Variants in LTBP2 observed in about 807,000 individuals in gnomAD.
The protein encoded by LTBP2 is latent-transforming growth factor beta-binding protein 2.
In LTBP2, 103 loss-of-function variants were observed where a neutral mutation model predicts 210.6. That is an observed-to-expected ratio of 0.49 (90% confidence interval 0.42 to 0.58). The LOEUF is 0.58. Ranked by LOEUF, LTBP2 falls within the 20% of genes least tolerant of loss-of-function variation. LTBP2 has a pLI of 0.00. For missense variants in LTBP2, 2,313 were observed against 2,494.5 expected (o/e 0.93, Z 1.55); for synonymous variants, 1,007 against 1,015.0 (o/e 0.99, Z 0.15).
chr14:74,602,197 C>T (rs983203001), intron 2 of LTBP2, among the ~76,000 whole-genome samples: 1 of 152,224 alleles, frequency 6.6e-6, no homozygotes, highest in Non-Finnish European at 1.5e-5. Context: ...GAGCTCAGCA[C>T]TTGCAGCAGC....
chr14:74,553,997 T>G, intron 4 of LTBP2, among the ~76,000 whole-genome samples: 1 of 143,670 alleles, frequency 7.0e-6, no homozygotes, highest in African/African-American at 2.6e-5. Flanking sequence ...TTGTACACGT[T>G]GAGGGGAAAG....
At position 74,508,018 on chromosome 14, in the gene LTBP2, A is replaced by G. The variant is rs2087013144; in HGVS notation, c.3730T>C (p.Cys1244Arg). The part of the protein sequence containing the change: ...VNTEGSFNCL[C>R]ETGFQPSPES... ...GGGGAGGGCTGGAAGCCAGTCTCAC[A>G]TAGACAGTTGAAGGAGCCCTCGGTG... is the stretch of plus-strand genomic sequence containing the variant. The change falls in exon 25 of 36, where the codon TGT (cysteine) becomes CGT (arginine). Residue 1244 changes from cysteine to arginine, a missense_variant. Transcript: ENST00000261978. 1.2e-6 allele frequency: 2 copies of G among 1,613,994 alleles called. No individual in the cohort carries two copies. Among genetic ancestry groups the G allele is most frequent in the Admixed American group, 1.7e-5 (1 of 60,028 alleles).
Position 74,501,004 on chromosome 14 carries a change from G to C in LTBP2, c.5346C>G (p.Asn1782Lys). The C allele has an allele frequency of 6.2e-7, 1 of 1,613,898 alleles. No homozygotes were observed. The highest frequency in any genetic ancestry group is 8.5e-7 in the Non-Finnish European group (1 of 1,179,876). ...CATGGACACAGAGCACAGCAGGCCCGTTCAAGTCATCACACTCATTCACAT... is the reference window on the plus strand; with the variant it reads ...CATGGACACAGAGCACAGCAGGCCCCTTCAAGTCATCACACTCATTCACAT... ...CVDVNECDDL[N>K]GPAVLCVHGY... is the part of the protein sequence containing the mutation. Residue 1782 changes from asparagine to lysine, a missense_variant, in exon 36 of 36, where the codon AAC (asparagine) becomes AAG (lysine). Transcript: ENST00000261978.
rs1411872744 is a variant in LTBP2, at chr14:74,506,257, C to T, written c.4034-66G>A. 3.7e-6 allele frequency: 6 copies of T among 1,605,322 alleles called. No individual in the cohort carries two copies. The African/African-American group carries it at 4.0e-5, about 11-fold the overall frequency. On this transcript the variant is annotated intron_variant, in intron 27 of 35. Transcript: ENST00000261978. ...AGCCCGTGCCCCCTGCCCCTGACTA[C>T]AGCCCACTGCCCCCAAAAGAAGCAG...
Position 74,608,715 on chromosome 14 carries a change from GAA to G in LTBP2, c.494+2734_494+2735del, listed in dbSNP as rs5809673. 6.6e-3 allele frequency among the ~76,000 whole-genome samples: 768 copies of G among 116,270 alleles called. 6 individuals are homozygous for G. Among genetic ancestry groups the G allele is most frequent in the African/African-American group, 0.023 (715 of 30,490 alleles). The allele number at this position is 116,270 out of a possible 152,430, so 76.3% of individuals were successfully genotyped here. ...GCAAGAGACTCTATCTCAAAAAAAA[GAA>G]AAAAAAAAAAAGAAAAAAAGAAAGA... On this transcript the variant is annotated intron_variant, in intron 1 of 35. Transcript: ENST00000261978.
intron 1 of LTBP2, among the ~76,000 whole-genome samples, chr14:74,604,178 A>AAAAAAAAAAAAAC (rs2088491287): frequency 6.6e-6 from 1 of 151,278 alleles, no homozygotes; most frequent in African/African-American, 2.4e-5. Flanking sequence ...AAAAAAAAAA[A>AAAAAAAAAAAAAC]AAAAAACCAC....
rs1283618679 is a variant in LTBP2 at position 74,551,084 on chromosome 14, G to A, written c.1666C>T (p.Leu556=). The A allele has an allele frequency of 6.2e-6, 10 of 1,613,704 alleles. No individual in the cohort carries two copies. The highest frequency in any genetic ancestry group is 8.5e-6 in the Non-Finnish European group (10 of 1,180,044). Residue 556 remains leucine (L), a synonymous_variant, in exon 7 of 36, where the codon CTG becomes TTG. Coordinates refer to ENST00000261978, the MANE Select transcript of LTBP2 (RefSeq NM_000428.3). The part of the protein sequence containing the change: ...RPRGLLGRCY[L]NTVNGQCANP... Reference sequence around the variant, plus strand: ...CTCACCTGTCCGTTCACAGTGTTCAGGTAACACCGGCCCAGCAGTCCTCGA... The same window carrying A: ...CTCACCTGTCCGTTCACAGTGTTCAAGTAACACCGGCCCAGCAGTCCTCGA...
At chr14:74,589,298 C>G (rs1316018331) in intron 2 of LTBP2, among the ~76,000 whole-genome samples, 1 of 152,136 alleles carries the variant, frequency 6.6e-6, no homozygotes, top group East Asian at 1.9e-4. Context: ...ACCCTCTAAC[C>G]CAGGCTGAGG....
At position 74,612,069 on chromosome 14, in the gene LTBP2, C is replaced by T. The variant is rs2088623843; in HGVS notation, c.-125G>A. ...GGCCAGCTTCTCTGAGTCTAGGGGGCCCTGAAGCGGCCGACTGGGGGCCCG... is the reference window on the plus strand; with the variant it reads ...GGCCAGCTTCTCTGAGTCTAGGGGGTCCTGAAGCGGCCGACTGGGGGCCCG... On this transcript the variant is annotated 5_prime_UTR_variant, in exon 1 of 36. Coordinates refer to ENST00000261978, the MANE Select transcript of LTBP2 (RefSeq NM_000428.3). 1.8e-6 allele frequency: 2 copies of T among 1,120,180 alleles called. No homozygotes were observed. The allele number at this position is 1,120,180 out of a possible 1,614,324, so 69.4% of individuals were successfully genotyped here.
intron 8 of LTBP2, among the ~76,000 whole-genome samples, chr14:74,546,872 C>T (rs117279904): frequency 6.6e-6 from 1 of 152,386 alleles, no homozygotes; most frequent in Non-Finnish European, 1.5e-5. Context: ...GAGCAGGTAG[C>T]TGCTTCAGTA....
At chr14:74,517,688 T>C (rs998049048) in intron 17 of LTBP2, among the ~76,000 whole-genome samples, 10 of 152,308 alleles carry the variant, frequency 6.6e-5, no homozygotes, top group African/African-American at 2.4e-4. Context: ...GAGTCCTTCC[T>C]AAGGACCTTC....
intron 2 of LTBP2, among the ~76,000 whole-genome samples, chr14:74,602,292 A>C (rs1183173639): frequency 6.6e-6 from 1 of 152,236 alleles, no homozygotes; most frequent in Non-Finnish European, 1.5e-5. Flanking sequence ...CTACTTCATA[A>C]GATGATTGAC....
At chr14:74,510,347 CATGAGGCCAT>C in intron 19 of LTBP2, 134 bp from the exon 20 acceptor site, 1 of 1,295,248 alleles carries the variant, frequency 7.7e-7, no homozygotes, top group Non-Finnish European at 1.1e-6. Context: ...CTGGGGAGGC[CATGAGGCCAT>C]GCTCCCTCCT....
intron 3 of LTBP2, among the ~76,000 whole-genome samples, chr14:74,582,380 GCA>G (rs1188559173): frequency 3.0e-4 from 38 of 128,066 alleles, no homozygotes; most frequent in African/African-American, 9.2e-4. Context: ...CTGTGTACAT[GCA>G]CACACACACA....
chr14:74,605,116 G>T (rs1463792993), intron 1 of LTBP2, among the ~76,000 whole-genome samples: 3 of 152,224 alleles, frequency 2.0e-5, no homozygotes, highest in Non-Finnish European at 4.4e-5. Flanking sequence ...AAGTGCAGAG[G>T]CTGGACAGGC....
chr14:74,547,574 G>A (rs764788471), intron 8 of LTBP2, among the ~76,000 whole-genome samples: 12 of 152,294 alleles, frequency 7.9e-5, no homozygotes, highest in Middle Eastern at 6.8e-3. Flanking sequence ...AGGCAACAGC[G>A]TGACAGCTTC....
chr14:74,611,575 T>G lies in LTBP2; in HGVS notation c.370A>C (p.Ser124Arg). 1 of 1,577,598 alleles carries G rather than the reference T, an allele frequency of 6.3e-7. No individual in the cohort carries two copies. The highest frequency in any genetic ancestry group is 8.6e-7 in the Non-Finnish European group (1 of 1,168,490). ...GGTTGCTGCTGGCCCAGGGGAGTGCTTCTCCGGGTCTGCGCAGGTGGCTGG... is the reference window on the plus strand; with the variant it reads ...GGTTGCTGCTGGCCCAGGGGAGTGCGTCTCCGGGTCTGCGCAGGTGGCTGG... ...RVQPPAQTRR[S>R]TPLGQQQPAP... Residue 124 changes from serine to arginine, a missense_variant, in exon 1 of 36, where the codon AGC becomes CGC. By Grantham distance (110) the Ser-to-Arg change is moderately radical. Coordinates refer to ENST00000261978, the MANE Select transcript of LTBP2 (RefSeq NM_000428.3).
At chr14:74,501,728 C>G in intron 34 of LTBP2, 138 bp from the exon 35 acceptor site, 1 of 1,070,276 alleles carries the variant, frequency 9.3e-7, no homozygotes. Context: ...TCATAAAATT[C>G]TTGTGGAAAG....
intron 8 of LTBP2, among the ~76,000 whole-genome samples, chr14:74,540,812 A>ATAT (rs2087487649): frequency 1.3e-4 from 1 of 7,702 alleles, no homozygotes; most frequent in Non-Finnish European, 3.7e-3. Flanking sequence ...TATATATAAT[A>ATAT]TATATATATT....
Sources: allele counts gnomAD v4.1 joint callset (sites outside exome capture counted in the v4.1 genomes callset), GRCh38; gene constraint gnomAD v4.1.1; transcripts MANE v1.5; gene names NCBI Gene and HGNC (gene_info 2026-07-23, HGNC 2026-07-21).